Variants in ACSL3 observed in about 807,000 individuals in gnomAD.
The protein encoded by ACSL3 is fatty acid CoA ligase Acsl3.
In ACSL3, 34 loss-of-function variants were observed where a neutral mutation model predicts 84.7. The ratio of observed to expected loss-of-function variants is 0.40; its 90% CI spans 0.31 to 0.53. ACSL3 has a LOEUF of 0.53. Ranked by LOEUF, ACSL3 falls within the 20% of genes least tolerant of loss-of-function variation. ACSL3 has a pLI of 0.48. For missense variants in ACSL3, 680 were observed against 873.1 expected (o/e 0.78, Z 2.79); for synonymous variants, 315 against 299.4 (o/e 1.05, Z -0.54).
At chr2:222,865,196 G>A (rs1157539022) in intron 1 of ACSL3, among the ~76,000 whole-genome samples, 3 of 152,134 alleles carry the variant, frequency 2.0e-5, no homozygotes, top group Admixed American at 6.5e-5. Context: ...CATCATAGGT[G>A]CCTTAATTCT....
At chr2:222,938,185 G>A (rs1697224817) in intron 16 of ACSL3, among the ~76,000 whole-genome samples, 1 of 152,076 alleles carries the variant, frequency 6.6e-6, no homozygotes, top group African/African-American at 2.4e-5. Context: ...AGATTTAAAT[G>A]TGACTTATAC....
At chr2:222,871,316 C>T (rs1328804555) in intron 1 of ACSL3, among the ~76,000 whole-genome samples, 5 of 151,958 alleles carry the variant, frequency 3.3e-5, no homozygotes, top group East Asian at 1.9e-4. Context: ...TTTAAAAATG[C>T]GAAGTGGGAT....
intron 1 of ACSL3, among the ~76,000 whole-genome samples, chr2:222,871,064 C>T (rs576116279): frequency 1.3e-5 from 2 of 152,150 alleles, no homozygotes; most frequent in African/African-American, 4.8e-5. Context: ...AGGACCTGAA[C>T]TGATAAAGTA....
intron 1 of ACSL3, among the ~76,000 whole-genome samples, chr2:222,887,464 A>G (rs1328955316): frequency 1.3e-5 from 2 of 152,118 alleles, no homozygotes; most frequent in Non-Finnish European, 2.9e-5. Flanking sequence ...GCTGGATCAT[A>G]TATTTGGAGT....
At chr2:222,866,852 T>G (rs1211349190) in intron 1 of ACSL3, among the ~76,000 whole-genome samples, 2 of 134,690 alleles carry the variant, frequency 1.5e-5, no homozygotes, top group African/African-American at 5.3e-5. Flanking sequence ...TTTTTTTTTT[T>G]GAGACAGAGT....
rs368713473 is a variant in ACSL3 at position 222,897,891 on chromosome 2, C to T, written c.-147-2783C>T. On this transcript the variant is annotated intron_variant, in intron 2 of 16. Coordinates refer to ENST00000357430, the MANE Select transcript of ACSL3 (RefSeq NM_004457.5). Reference sequence around the variant, plus strand: ...GCAGCAGTACAGTCCAGCTTCGGCTCGGCATCAGAGGGAGACCGTGGAGAG... The same window carrying T: ...GCAGCAGTACAGTCCAGCTTCGGCTTGGCATCAGAGGGAGACCGTGGAGAG... Among the ~76,000 whole-genome samples, 5 of 105,768 alleles carry T rather than the reference C, an allele frequency of 4.7e-5. 2 individuals carry two copies. Among genetic ancestry groups the T allele is most frequent in the Non-Finnish European group, 9.3e-5 (5 of 53,544 alleles). The allele number at this position is 105,768 out of a possible 152,430, so 69.4% of individuals were successfully genotyped here.
At chr2:222,887,407 G>A (rs1274354819) in intron 1 of ACSL3, among the ~76,000 whole-genome samples, 2 of 152,154 alleles carry the variant, frequency 1.3e-5, no homozygotes, top group Admixed American at 1.3e-4. Context: ...AGGTGTTTTT[G>A]TAGACATATT....
intron 1 of ACSL3, among the ~76,000 whole-genome samples, chr2:222,879,173 C>G (rs1013215057): frequency 2.0e-5 from 3 of 152,086 alleles, no homozygotes; most frequent in South Asian, 2.1e-4. Flanking sequence ...CCAAAATTAG[C>G]CGGGCATGGT....
chr2:222,914,234 C>CGTGTGTGTGT (rs57546680), intron 4 of ACSL3, among the ~76,000 whole-genome samples: 124 of 140,270 alleles, frequency 8.8e-4, no homozygotes, highest in African/African-American at 2.8e-3. Context: ...TGTGTGTGTA[C>CGTGTGTGTGT]GTGTGTGTGT....
Position 222,942,976 on chromosome 2 carries a change from C to T in ACSL3, c.*1322C>T, listed in dbSNP as rs1224563957. On this transcript the variant is annotated 3_prime_UTR_variant, in exon 17 of 17. Coordinates refer to ENST00000357430, the MANE Select transcript of ACSL3 (RefSeq NM_004457.5). ...TGGATTATCAAAAGCAATAGTGCAC[C>T]AATTAAGATGTGCTCAAATCAGGAC... 6 of 221,532 alleles carry T rather than the reference C, an allele frequency of 2.7e-5. No individual in the cohort carries two copies. The highest frequency in any genetic ancestry group is 5.4e-5 in the Non-Finnish European group (6 of 111,216). 13.7% of individuals were successfully genotyped at this position (221,532 alleles called of 1,614,324 possible).
At chr2:222,921,245 A>C (rs766496106) in intron 7 of ACSL3, 35 bp from the exon 8 acceptor site, 2 of 1,579,088 alleles carry the variant, frequency 1.3e-6, no homozygotes, top group South Asian at 2.3e-5. Context: ...GAATCTCATG[A>C]AAGTGTATGT....
At position 222,876,841 on chromosome 2, in the gene ACSL3, C is replaced by T. The variant is rs956949200; in HGVS notation, c.-206-10989C>T. 3.9e-5 allele frequency among the ~76,000 whole-genome samples: 6 copies of T among 151,944 alleles called. 1 individual carries two copies. The highest frequency in any genetic ancestry group is 4.1e-4 in the South Asian group (2 of 4,824). On this transcript the variant is annotated intron_variant, in intron 1 of 16. Transcript: ENST00000357430. Reference sequence around the variant, plus strand: ...GTTAAAATACAGTTGTAATAAGTTACGTTAATGGTATGCCTGAAGTGTTTT... The same window carrying T: ...GTTAAAATACAGTTGTAATAAGTTATGTTAATGGTATGCCTGAAGTGTTTT...
rs73067422 is a variant in ACSL3 at position 222,941,047 on chromosome 2, G to A, written c.2006-450G>A. 9.3e-3 allele frequency among the ~76,000 whole-genome samples: 1,409 copies of A among 152,026 alleles called. 26 individuals carry two copies. The highest frequency in any genetic ancestry group is 0.031 in the African/African-American group (1,278 of 41,462). ...CTCCTGAGTAACTGGTACTACAAGCGTATGCCACTATACCCAGCTTATATT... is the reference window on the plus strand; with the variant it reads ...CTCCTGAGTAACTGGTACTACAAGCATATGCCACTATACCCAGCTTATATT... On this transcript the variant is annotated intron_variant, in intron 16 of 16. Transcript: ENST00000357430.
At chr2:222,872,248 TCGAGTAGCTGGGATTACAGGTGCC>T (rs1322181742) in intron 1 of ACSL3, among the ~76,000 whole-genome samples, 3 of 151,970 alleles carry the variant, frequency 2.0e-5, no homozygotes, top group Non-Finnish European at 4.4e-5. Context: ...CCTCAGCCTC[TCGAGTAGCTGGGATTACAGGTGCC>T]CACCACCACG....
intron 15 of ACSL3, 108 bp downstream of exon 15, chr2:222,933,388 T>C: frequency 1.4e-6 from 1 of 732,498 alleles, no homozygotes. Flanking sequence ...ACTCTTCCTA[T>C]CTGTTACTTG....
chr2:222,868,934 C>T (rs1416297228), intron 1 of ACSL3, among the ~76,000 whole-genome samples: 2 of 150,480 alleles, frequency 1.3e-5, no homozygotes, highest in African/African-American at 2.5e-5. Flanking sequence ...CATGCCATTG[C>T]ACTCCAGCCT....
rs997541770 is a variant in ACSL3 at position 222,875,141 on chromosome 2, G to T, written c.-206-12689G>T. Among the ~76,000 whole-genome samples, 6 of 152,104 alleles carry T rather than the reference G, an allele frequency of 3.9e-5. No homozygotes were observed. In the South Asian group the frequency reaches 1.2e-3, roughly 32 times the overall value. On this transcript the variant is annotated intron_variant, in intron 1 of 16. Transcript: ENST00000357430. ...AAGTGATCAGAACAGTGCCTGGCAC[G>T]TATTAAATGCTCAGTAAATGTACCT...
chr2:222,908,319 T>C (rs1180691868), intron 3 of ACSL3, among the ~76,000 whole-genome samples: 4 of 152,220 alleles, frequency 2.6e-5, no homozygotes, highest in Non-Finnish European at 5.9e-5. Flanking sequence ...GTGGTGATTA[T>C]TTGGCAGTGG....
chr2:222,901,920 G>T (rs1696161340), intron 3 of ACSL3, among the ~76,000 whole-genome samples: 1 of 119,248 alleles, frequency 8.4e-6, no homozygotes. Flanking sequence ...CTCCAGCCTG[G>T]GTGACAGAGT....
Sources: allele counts gnomAD v4.1 joint callset (sites outside exome capture counted in the v4.1 genomes callset), GRCh38; gene constraint gnomAD v4.1.1; transcripts MANE v1.5; gene names NCBI Gene and HGNC (gene_info 2026-07-23, HGNC 2026-07-21).